The following SPOCK1 variants were observed in gnomAD, a reference collection of about 807,000 sequenced individuals.
The protein encoded by SPOCK1 is testican-1.
In SPOCK1, 23 loss-of-function variants were observed where a neutral mutation model predicts 55.3. The observed-to-expected ratio is 0.42, with a 90% CI of 0.30 to 0.59. SPOCK1 has a LOEUF of 0.59. Ranked by LOEUF, SPOCK1 falls within the 20% of genes least tolerant of loss-of-function variation. The pLI, the probability that SPOCK1 is intolerant of heterozygous loss-of-function variation, is 0.22. For synonymous variants in SPOCK1, 226 were observed against 221.0 expected, an observed-to-expected ratio of 1.02 and a Z score of -0.20; for missense variants, 499 against 552.5, an observed-to-expected ratio of 0.90 and a Z score of 0.97.
At chr5:137,344,566 G>A (rs1291432142) in intron 2 of SPOCK1, among the ~76,000 whole-genome samples, 4 of 152,158 alleles carry the variant, frequency 2.6e-5, no homozygotes, top group East Asian at 3.9e-4. Flanking sequence ...GGGAGGGGGC[G>A]GTGCCACTGA....
At chr5:137,104,274 T>C (rs1399507656) in intron 5 of SPOCK1, among the ~76,000 whole-genome samples, 2 of 152,202 alleles carry the variant, frequency 1.3e-5, no homozygotes. Context: ...CTCCTGCTCC[T>C]GCCATGTAAG....
At position 137,192,232 on chromosome 5, in the gene SPOCK1, C is replaced by CAAAAA. The variant is rs60401497; in HGVS notation, c.233-51543_233-51539dup. On this transcript the variant is annotated intron_variant, in intron 3 of 10. Transcript: ENST00000394945. ...TGGGTGACAGAGCAAGACTCTGTCT[C>CAAAAA]AAAAAAAAAAAAAAAAAAAAAAAGA... Among the ~76,000 whole-genome samples, 46 of 67,454 alleles carry CAAAAA rather than the reference C, an allele frequency of 6.8e-4. 1 individual carries two copies. The highest frequency in any genetic ancestry group is 1.3e-3 in the East Asian group (3 of 2,282). The allele number at this position is 67,454 out of a possible 152,430, so 44.3% of individuals were successfully genotyped here.
At chr5:137,090,649 G>T (rs1485475257) in intron 5 of SPOCK1, among the ~76,000 whole-genome samples, 1 of 152,184 alleles carries the variant, frequency 6.6e-6, no homozygotes, top group African/African-American at 2.4e-5. Context: ...ATTCGGTCGA[G>T]CTTGATTGTG....
At chr5:137,021,796 T>A (rs1266269185) in intron 6 of SPOCK1, among the ~76,000 whole-genome samples, 2 of 152,170 alleles carry the variant, frequency 1.3e-5, no homozygotes, top group South Asian at 4.1e-4. Context: ...TATTTTCCAT[T>A]GATTGGTACT....
At chr5:137,372,805 CA>C in intron 2 of SPOCK1, among the ~76,000 whole-genome samples, 1 of 152,160 alleles carries the variant, frequency 6.6e-6, no homozygotes, top group East Asian at 1.9e-4. Context: ...AAGCACCAGG[CA>C]AAAAAAGCCT....
At chr5:137,231,838 T>C (rs1756070733) in intron 3 of SPOCK1, among the ~76,000 whole-genome samples, 2 of 152,238 alleles carry the variant, frequency 1.3e-5, no homozygotes, top group South Asian at 4.1e-4. Flanking sequence ...ACACAGGAGT[T>C]ATTCAGTTTC....
At chr5:137,173,794 G>T (rs939629531) in intron 3 of SPOCK1, among the ~76,000 whole-genome samples, 1 of 152,136 alleles carries the variant, frequency 6.6e-6, no homozygotes, top group Non-Finnish European at 1.5e-5. Context: ...GACTCCTTCA[G>T]GGAAAAGTCT....
intron 6 of SPOCK1, among the ~76,000 whole-genome samples, chr5:137,006,548 G>A (rs571566172): frequency 6.6e-6 from 1 of 152,132 alleles, no homozygotes; most frequent in Non-Finnish European, 1.5e-5. Flanking sequence ...CATTGATTTT[G>A]TATCCTGAGA....
chr5:137,175,839 T>C (rs1481013440), intron 3 of SPOCK1, among the ~76,000 whole-genome samples: 1 of 152,140 alleles, frequency 6.6e-6, no homozygotes, highest in Non-Finnish European at 1.5e-5. Flanking sequence ...CCTGTGCATG[T>C]GGGTACACCT....
At chr5:137,271,793 A>T (rs368407700) in intron 2 of SPOCK1, among the ~76,000 whole-genome samples, 1 of 30,744 alleles carries the variant, frequency 3.3e-5, no homozygotes, top group East Asian at 7.8e-4. Context: ...GAAGATGATA[A>T]TGTAATTGTA....
intron 2 of SPOCK1, among the ~76,000 whole-genome samples, chr5:137,338,847 C>G (rs1750349750): frequency 6.6e-6 from 1 of 152,142 alleles, no homozygotes; most frequent in African/African-American, 2.4e-5. Flanking sequence ...ATATCCTTCG[C>G]CCACTTTTTG....
intron 2 of SPOCK1, among the ~76,000 whole-genome samples, chr5:137,484,846 CA>C (rs1207365618): frequency 6.6e-6 from 1 of 152,086 alleles, no homozygotes; most frequent in African/African-American, 2.4e-5. Flanking sequence ...TCACTGGATT[CA>C]AAAACACCAT....
intron 2 of SPOCK1, among the ~76,000 whole-genome samples, chr5:137,293,860 C>CA (rs772036975): frequency 6.6e-6 from 1 of 151,974 alleles, no homozygotes; most frequent in Non-Finnish European, 1.5e-5. Context: ...ACTAAAAATA[C>CA]AAAAAAATTA....
intron 6 of SPOCK1, among the ~76,000 whole-genome samples, chr5:136,999,883 C>T (rs1230318896): frequency 6.6e-6 from 1 of 152,104 alleles, no homozygotes; most frequent in African/African-American, 2.4e-5. Flanking sequence ...TAGCTGTAAA[C>T]CTCTGTTGGG....
chr5:137,247,211 G>A (rs1756412636), intron 3 of SPOCK1, among the ~76,000 whole-genome samples: 1 of 152,176 alleles, frequency 6.6e-6, no homozygotes, highest in African/African-American at 2.4e-5. Flanking sequence ...GCAGAGGAGG[G>A]CACTGTGGAG....
chr5:137,112,488 C>T lies in SPOCK1; in HGVS notation c.421G>A (p.Val141Met), dbSNP rs774330060. ...SNLVKCKPCP[V>M]AQSAMVCGSD... ...CCGCAGACCATGGCTGACTGTGCCA[C>T]GGGACAGGGCTTGCACTTGACCAAA... The change falls in exon 5 of 11, where the codon GTG becomes ATG. Residue 141 changes from valine (V) to methionine (M), a missense_variant. By Grantham distance (21) the Val-to-Met change is conservative (BLOSUM62 1). Transcript: ENST00000394945. 2.9e-5 allele frequency: 46 copies of T among 1,613,780 alleles called. No homozygotes were observed. In the East Asian group the frequency reaches 4.0e-4, roughly 14 times the overall value.
intron 2 of SPOCK1, among the ~76,000 whole-genome samples, chr5:137,290,337 G>A (rs774204526): frequency 1.1e-3 from 174 of 152,166 alleles, no homozygotes; most frequent in Admixed American, 5.6e-3. Context: ...GCCAGACATA[G>A]AAGAATATAA....
At chr5:137,037,388 C>G (rs1048511255) in intron 6 of SPOCK1, among the ~76,000 whole-genome samples, 1 of 150,898 alleles carries the variant, frequency 6.6e-6, no homozygotes, top group African/African-American at 2.4e-5. Context: ...TTAAGTGCTG[C>G]CCTGCAATTC....
chr5:137,497,886 A>G (rs1031855048), intron 2 of SPOCK1, among the ~76,000 whole-genome samples: 2 of 150,910 alleles, frequency 1.3e-5, no homozygotes, highest in Non-Finnish European at 3.0e-5. Flanking sequence ...TGACTCCCAT[A>G]AATAGCTCCC....
Sources: gnomAD v4.1 joint callset for allele counts (sites outside exome capture counted in the v4.1 genomes callset) on GRCh38, gnomAD v4.1.1 for gene constraint, MANE v1.5 for transcripts, NCBI Gene and HGNC (gene_info 2026-07-23, HGNC 2026-07-21) for gene names.